IDE: variants seen among roughly 807,000 people sequenced by gnomAD.
The protein encoded by IDE is insulin degrading enzyme, also known as insulin-degrading enzyme.
A neutral mutation model predicts 133.2 loss-of-function variants in IDE; 58 were observed. The observed-to-expected ratio is 0.44, with a 90% confidence interval of 0.35 to 0.54. IDE has a LOEUF of 0.54. Ranked by LOEUF, IDE falls within the 20% of genes least tolerant of loss-of-function variation. IDE has a pLI of 0.00. For synonymous variants in IDE, 396 were observed against 421.3 expected, an observed-to-expected ratio of 0.94 and a Z score of 0.73; for missense variants, 981 against 1,234.0, an observed-to-expected ratio of 0.79 and a Z score of 3.07.
intron 1 of IDE, among the ~76,000 whole-genome samples, chr10:92,558,631 G>A (rs890865143): frequency 9.2e-5 from 14 of 152,024 alleles, no homozygotes; most frequent in Admixed American, 2.0e-4. Context: ...TTTCACTCTC[G>A]TCACCCAGGC....
intron 4 of IDE, among the ~76,000 whole-genome samples, chr10:92,516,866 G>A (rs1340458145): frequency 1.3e-5 from 2 of 152,130 alleles, no homozygotes; most frequent in Non-Finnish European, 2.9e-5. Flanking sequence ...TTCAAGTAGG[G>A]TAAAATATGT....
chr10:92,458,490 GTTTTT>G (rs71028821), intron 22 of IDE, among the ~76,000 whole-genome samples: 42 of 83,868 alleles, frequency 5.0e-4, no homozygotes, highest in African/African-American at 2.3e-3. Context: ...TACTCTCTCT[GTTTTT>G]TTTTTTTTTT....
Position 92,506,505 on chromosome 10 carries a change from A to G in IDE, c.1263T>C (p.Ala421=). Reference sequence around the variant, plus strand: ...GCCTCTCTTTGTCTTTAAACCTAAAAGCAACAGCATTCAAGTCCTAAAATA... The same window carrying G: ...GCCTCTCTTTGTCTTTAAACCTAAAGGCAACAGCATTCAAGTCCTAAAATA... ...FQECKDLNAV[A]FRFKDKERPR... is the part of the protein sequence containing the mutation. The change falls in exon 10 of 25, where the codon GCT becomes GCC. Residue 421 remains alanine, a synonymous_variant. Coordinates refer to ENST00000265986, the MANE Select transcript of IDE (RefSeq NM_004969.4). 6.3e-7 allele frequency: 1 copy of G among 1,576,048 alleles called. No individual in the cohort carries two copies. The highest frequency in any genetic ancestry group is 8.7e-7 in the Non-Finnish European group (1 of 1,147,214).
At chr10:92,506,364 C>T (rs1168180937) in intron 10 of IDE, 78 bp downstream of exon 10, 3 of 661,702 alleles carry the variant, frequency 4.5e-6, no homozygotes, top group Non-Finnish European at 7.8e-6. Context: ...TAATCATTCA[C>T]TTATTACTGA....
intron 4 of IDE, among the ~76,000 whole-genome samples, chr10:92,523,701 TAAAAAAAA>T (rs74263178): frequency 3.4e-5 from 4 of 117,122 alleles, no homozygotes; most frequent in Non-Finnish European, 7.3e-5. Context: ...GACTCAGTCT[TAAAAAAAA>T]AAAAAAAAAA....
intron 1 of IDE, chr10:92,559,251 T>C (rs1404033108): frequency 2.6e-5 from 4 of 152,202 alleles, no homozygotes; most frequent in Non-Finnish European, 4.4e-5. Context: ...GCATATGACC[T>C]AGCAATTCCG....
intron 4 of IDE, among the ~76,000 whole-genome samples, chr10:92,518,023 G>C (rs1346863392): frequency 2.6e-5 from 4 of 152,042 alleles, no homozygotes; most frequent in Admixed American, 1.3e-4. Flanking sequence ...CTCTACCTGA[G>C]GGGTCCAGAT....
chr10:92,463,113 AG>A (rs1413419343), intron 21 of IDE, among the ~76,000 whole-genome samples: 1 of 152,200 alleles, frequency 6.6e-6, no homozygotes, highest in Non-Finnish European at 1.5e-5. Flanking sequence ...GGTCCAAAAA[AG>A]GTGTCTTGAC....
intron 13 of IDE, among the ~76,000 whole-genome samples, 198 bp from the exon 14 acceptor site, chr10:92,483,535 A>G (rs1846747520): frequency 6.6e-6 from 1 of 152,238 alleles, no homozygotes; most frequent in Admixed American, 6.5e-5. Flanking sequence ...CTCCTGTAGC[A>G]GAGTGAAATC....
chr10:92,465,419 T>C (rs981842304), intron 20 of IDE, among the ~76,000 whole-genome samples: 1 of 152,198 alleles, frequency 6.6e-6, no homozygotes, highest in Non-Finnish European at 1.5e-5. Context: ...TAGTATCCTT[T>C]TCCCCCACCT....
chr10:92,475,135 C>CTTTT (rs1846185928), intron 16 of IDE, among the ~76,000 whole-genome samples, 174 bp from the exon 17 acceptor site: 1 of 152,164 alleles, frequency 6.6e-6, no homozygotes, highest in African/African-American at 2.4e-5. Flanking sequence ...CCGATCTTTA[C>CTTTT]ATAAAAGTGC....
At position 92,454,298 on chromosome 10, in the gene IDE, A is replaced by G. The variant is rs1844873185; in HGVS notation, c.*146T>C. 1.7e-6 allele frequency: 1 copy of G among 579,618 alleles called. No homozygotes were observed. The highest frequency in any genetic ancestry group is 3.1e-6 in the Non-Finnish European group (1 of 320,076). The allele number at this position is 579,618 out of a possible 1,614,324, so 35.9% of individuals were successfully genotyped here. ...TTTTGTAATTTACTTTGGATTTATAATATTTCTACATAATGACATTTGACA... is the reference window on the plus strand; with the variant it reads ...TTTTGTAATTTACTTTGGATTTATAGTATTTCTACATAATGACATTTGACA... On this transcript the variant is annotated 3_prime_UTR_variant, in exon 25 of 25. Transcript: ENST00000265986.
chr10:92,464,603 CACCTCCAACAGCTGTGGT>C (rs1479553268), intron 20 of IDE, among the ~76,000 whole-genome samples: 1 of 152,156 alleles, frequency 6.6e-6, no homozygotes, highest in East Asian at 1.9e-4. Flanking sequence ...CCTGATCTAC[CACCTCCAACAGCTGTGGT>C]GCCTCTGGGT....
chr10:92,537,300 T>C (rs1040929675), intron 2 of IDE, 66 bp downstream of exon 2: 4 of 1,280,134 alleles, frequency 3.1e-6, no homozygotes, highest in Non-Finnish European at 4.4e-6. Context: ...TATGGAAAGT[T>C]CTAATAAATG....
chr10:92,472,591 CG>C (rs1426091120), intron 17 of IDE, among the ~76,000 whole-genome samples: 2 of 150,884 alleles, frequency 1.3e-5, no homozygotes, highest in Non-Finnish European at 2.9e-5. Context: ...CATAGTGTTA[CG>C]TAAGTATAAG....
chr10:92,530,143 T>C (rs775782441), intron 4 of IDE, among the ~76,000 whole-genome samples: 1 of 152,018 alleles, frequency 6.6e-6, no homozygotes, highest in Non-Finnish European at 1.5e-5. Context: ...GGAGAATTGC[T>C]GGAACCTAGG....
intron 22 of IDE, among the ~76,000 whole-genome samples, chr10:92,460,123 C>T (rs942973345): frequency 6.6e-6 from 1 of 152,144 alleles, no homozygotes. Flanking sequence ...AGGCGTGAGC[C>T]ACCACGCCCA....
chr10:92,505,149 G>C (rs1172707156), intron 10 of IDE, among the ~76,000 whole-genome samples: 1 of 152,140 alleles, frequency 6.6e-6, no homozygotes, highest in Admixed American at 6.5e-5. Flanking sequence ...ATTGTAGAGA[G>C]CAAAATCACA....
chr10:92,559,382 A>G (rs1843169365), intron 1 of IDE, among the ~76,000 whole-genome samples: 1 of 152,234 alleles, frequency 6.6e-6, no homozygotes, highest in African/African-American at 2.4e-5. Context: ...ATGTCCATCA[A>G]CTAATGAATG....
Sources: allele counts gnomAD v4.1 joint callset (sites outside exome capture counted in the v4.1 genomes callset), GRCh38; gene constraint gnomAD v4.1.1; transcripts MANE v1.5; gene names NCBI Gene and HGNC (gene_info 2026-07-23, HGNC 2026-07-21).